ZNF679: variants seen among roughly 807,000 people sequenced by gnomAD.
ZNF679 encodes the protein hypothetical protein MGC42415.
A neutral mutation model predicts 13.4 loss-of-function variants in ZNF679; 10 were observed. The observed-to-expected ratio is 0.75, with a 90% CI of 0.46 to 1.27. The LOEUF (loss-of-function observed/expected upper bound fraction) is 1.27. Ranked by LOEUF, ZNF679 falls within the 50% of genes most tolerant of loss-of-function variation. The pLI, the probability that ZNF679 is intolerant of heterozygous loss-of-function variation, is 0.00. For synonymous variants in ZNF679, 179 were observed against 162.5 expected, an observed-to-expected ratio of 1.10 and a Z score of -0.77; for missense variants, 525 against 477.8, an observed-to-expected ratio of 1.10 and a Z score of -0.92.
chr7:64,228,897 T>C (rs1325519379), intron 1 of ZNF679, among the ~76,000 whole-genome samples: 2 of 152,346 alleles, frequency 1.3e-5, no homozygotes, highest in African/African-American at 4.8e-5. Flanking sequence ...TGTGTCCATA[T>C]GGGAGAGTGA....
intron 1 of ZNF679, among the ~76,000 whole-genome samples, chr7:64,241,351 T>A (rs1787796290): frequency 6.6e-6 from 1 of 152,202 alleles, no homozygotes; most frequent in South Asian, 2.1e-4. Context: ...CGCACAAGGG[T>A]TGCATCACCT....
intron 1 of ZNF679, among the ~76,000 whole-genome samples, chr7:64,237,632 A>G (rs1460712266): frequency 6.6e-6 from 1 of 152,162 alleles, no homozygotes; most frequent in Non-Finnish European, 1.5e-5. Flanking sequence ...TGGGTGTTCA[A>G]CAACTCAATT....
At chr7:64,234,926 C>A (rs530393765) in intron 1 of ZNF679, among the ~76,000 whole-genome samples, 1 of 152,306 alleles carries the variant, frequency 6.6e-6, no homozygotes, top group African/African-American at 2.4e-5. Context: ...AAACCTCTAC[C>A]TCCAGGGTTC....
At chr7:64,256,989 C>T (rs1788013240) in intron 2 of ZNF679, among the ~76,000 whole-genome samples, 2 of 152,130 alleles carry the variant, frequency 1.3e-5, no homozygotes, top group Admixed American at 6.5e-5. Flanking sequence ...AGCCACTGTG[C>T]CTGGCCTGTT....
chr7:64,241,006 T>C (rs1265584489), intron 1 of ZNF679, among the ~76,000 whole-genome samples: 1 of 152,178 alleles, frequency 6.6e-6, no homozygotes, highest in Non-Finnish European at 1.5e-5. Flanking sequence ...ATTCCAACTC[T>C]ACTGGCTCTT....
chr7:64,261,450 G>A (rs1021403365), intron 4 of ZNF679, among the ~76,000 whole-genome samples: 1 of 151,766 alleles, frequency 6.6e-6, no homozygotes, highest in African/African-American at 2.4e-5. Flanking sequence ...TTTATTTAGA[G>A]GTTGGGTTAT....
At chr7:64,239,070 T>G (rs1241606183) in intron 1 of ZNF679, among the ~76,000 whole-genome samples, 1 of 152,060 alleles carries the variant, frequency 6.6e-6, no homozygotes, top group Admixed American at 6.6e-5. Flanking sequence ...AGAACACAGG[T>G]GAGATTGAGA....
chr7:64,259,158 C>T (rs774033268), intron 2 of ZNF679, among the ~76,000 whole-genome samples: 7 of 152,100 alleles, frequency 4.6e-5, no homozygotes, highest in Admixed American at 6.6e-5. Context: ...GTGATCCACC[C>T]GCCTTGGCCC....
intron 2 of ZNF679, among the ~76,000 whole-genome samples, chr7:64,257,777 A>G (rs1480633253): frequency 6.6e-6 from 1 of 152,194 alleles, no homozygotes; most frequent in East Asian, 1.9e-4. Context: ...TTATATTGTG[A>G]CAAATGTAGT....
chr7:64,235,171 G>A (rs1308351269), intron 1 of ZNF679, among the ~76,000 whole-genome samples: 1 of 151,988 alleles, frequency 6.6e-6, no homozygotes, highest in African/African-American at 2.4e-5. Flanking sequence ...TTAATAAAAT[G>A]AGAAATCAAT....
At chr7:64,230,862 T>A (rs1214322232) in intron 1 of ZNF679, among the ~76,000 whole-genome samples, 1 of 152,182 alleles carries the variant, frequency 6.6e-6, no homozygotes, top group Non-Finnish European at 1.5e-5. Flanking sequence ...CCTGGTAGAA[T>A]AGTAACAGCC....
At chr7:64,246,191 A>G (rs1425144739) in intron 1 of ZNF679, among the ~76,000 whole-genome samples, 1 of 152,130 alleles carries the variant, frequency 6.6e-6, no homozygotes, top group East Asian at 1.9e-4. Flanking sequence ...ATTAAAAGGG[A>G]CCTTTTATCT....
intron 1 of ZNF679, among the ~76,000 whole-genome samples, chr7:64,238,123 T>C (rs1374928615): frequency 6.6e-6 from 1 of 152,166 alleles, no homozygotes; most frequent in Non-Finnish European, 1.5e-5. Flanking sequence ...AAGCAAACTT[T>C]GCTTAAGTTT....
At chr7:64,243,556 T>A (rs1253665418) in intron 1 of ZNF679, among the ~76,000 whole-genome samples, 2 of 152,110 alleles carry the variant, frequency 1.3e-5, no homozygotes, top group South Asian at 4.2e-4. Context: ...GTGATGGGCC[T>A]AAAGATATCT....
At position 64,266,656 on chromosome 7, in the gene ZNF679, A is replaced by T; in HGVS notation, c.1023A>T (p.Lys341Asn). Residue 341 changes from lysine (K) to asparagine (N), a missense_variant, in exon 5 of 5, where the codon AAA becomes AAT. Physicochemically the swap from Lys to Asn is moderately conservative, Grantham distance 94. Coordinates refer to ENST00000421025, the MANE Select transcript of ZNF679 (RefSeq NM_153363.3). ...KAFNCSSTLK[K>N]HKIIHTGEKP... ...TTAACTGCTCCTCAACCCTTAAGAA[A>T]CATAAGATAATTCATACTGGAGAGA... 6.2e-7 allele frequency: 1 copy of T among 1,613,734 alleles called. No individual in the cohort carries two copies. Among genetic ancestry groups the T allele is most frequent in the Non-Finnish European group, 8.5e-7 (1 of 1,179,882 alleles).
At chr7:64,234,712 C>A (rs28605249) in intron 1 of ZNF679, among the ~76,000 whole-genome samples, 10 of 152,118 alleles carry the variant, frequency 6.6e-5, no homozygotes, top group African/African-American at 2.2e-4. Flanking sequence ...TACGAGCTAG[C>A]AAATGGGTGT....
chr7:64,232,857 A>T (rs906798392), intron 1 of ZNF679, among the ~76,000 whole-genome samples: 5 of 152,188 alleles, frequency 3.3e-5, no homozygotes, highest in African/African-American at 9.6e-5. Context: ...TGCTGCCTGT[A>T]GACAGGTCCT....
intron 2 of ZNF679, among the ~76,000 whole-genome samples, chr7:64,257,457 C>T (rs543295976): frequency 4.2e-4 from 64 of 152,102 alleles, no homozygotes; most frequent in African/African-American, 1.5e-3. Flanking sequence ...GATAGAGAAA[C>T]ATAGGAATAA....
intron 2 of ZNF679, among the ~76,000 whole-genome samples, chr7:64,258,948 G>C (rs899673647): frequency 6.6e-6 from 1 of 151,800 alleles, no homozygotes; most frequent in Non-Finnish European, 1.5e-5. Flanking sequence ...TTTCACTCTT[G>C]TCCCCCAGGC....
Sources: allele counts gnomAD v4.1 joint callset (sites outside exome capture counted in the v4.1 genomes callset), GRCh38; gene constraint gnomAD v4.1.1; transcripts MANE v1.5; gene names NCBI Gene and HGNC (gene_info 2026-07-23, HGNC 2026-07-21).